Variants in BRAT1 observed in about 807,000 individuals in gnomAD.
The protein encoded by BRAT1 is integrator complex assembly factor BRAT1.
In BRAT1, 74 loss-of-function variants were observed where a neutral mutation model predicts 70.6. That is an observed-to-expected ratio of 1.05 (90% CI 0.87 to 1.27). BRAT1 has a LOEUF of 1.27. Ranked by LOEUF, BRAT1 falls within the 50% of genes most tolerant of loss-of-function variation. The pLI is 0.00. For synonymous variants in BRAT1, 615 were observed against 517.1 expected, an observed-to-expected ratio of 1.19 and a Z score of -2.57; for missense variants, 1,203 against 1,098.2, an observed-to-expected ratio of 1.10 and a Z score of -1.35.
At chr7:2,544,876 A>G in intron 4 of BRAT1, 33 bp downstream of exon 4, 1 of 1,546,174 alleles carries the variant, frequency 6.5e-7, no homozygotes, top group South Asian at 1.2e-5. Flanking sequence ...CACAGGCAGG[A>G]TGAGGAATGG....
chr7:2,551,570 C>G (rs985603786), intron 2 of BRAT1, among the ~76,000 whole-genome samples: 29 of 150,660 alleles, frequency 1.9e-4, no homozygotes, highest in Admixed American at 8.0e-4. Flanking sequence ...ACCTTGATCC[C>G]AGGAACTCAA....
At chr7:2,550,122 C>A (rs1190218103) in intron 2 of BRAT1, among the ~76,000 whole-genome samples, 12 of 150,886 alleles carry the variant, frequency 8.0e-5, no homozygotes, top group African/African-American at 2.9e-4. Flanking sequence ...GTGATCACAC[C>A]ACTGCACTCT....
chr7:2,545,487 T>TTTC (rs200027603), intron 3 of BRAT1, among the ~76,000 whole-genome samples: 30 of 121,260 alleles, frequency 2.5e-4, no homozygotes, highest in Middle Eastern at 4.2e-3. Flanking sequence ...TGGAGGACAC[T>TTTC]TTCTTCTTCT....
chr7:2,540,136 A>G (rs1779034781), intron 10 of BRAT1: 1 of 459,862 alleles, frequency 2.2e-6, no homozygotes. Flanking sequence ...CTCCTGCCTC[A>G]GCCTCATGAG....
intron 2 of BRAT1, among the ~76,000 whole-genome samples, chr7:2,551,893 A>C (rs1780030172): frequency 1.3e-5 from 2 of 150,526 alleles, no homozygotes. Flanking sequence ...ATTAAAAATC[A>C]ATAATAAAAA....
chr7:2,542,057 T>G, intron 7 of BRAT1, 63 bp downstream of exon 7: 1 of 1,408,212 alleles, frequency 7.1e-7, no homozygotes, highest in Non-Finnish European at 9.5e-7. Context: ...CTCTCATCCA[T>G]CTCCCTTCCC....
At position 2,543,201 on chromosome 7, in the gene BRAT1, T is replaced by A. The variant is rs750516424; in HGVS notation, c.923+3A>T. 6.2e-7 allele frequency: 1 copy of A among 1,601,910 alleles called. No homozygotes were observed. Among genetic ancestry groups the A allele is most frequent in the Non-Finnish European group, 8.5e-7 (1 of 1,174,498 alleles). ...TCGGAATGAAATGCACCCCAGACCA[T>A]ACCAGTGCTCGAGCTTCAGGATCCC... On this transcript the variant is annotated splice_donor_region_variant and intron_variant, in intron 6 of 13. Coordinates refer to ENST00000340611, the MANE Select transcript of BRAT1 (RefSeq NM_152743.4). This position sits in a 1 kb window ranked among gnomAD's most constrained non-coding sequence, Gnocchi z 5.5.
In BRAT1 at chr7:2,547,500, G is replaced by T. The variant is rs368279751; in HGVS notation, c.128-22C>A. ...GACTCTGTGGGGATGGCCCAGCCCAGGGGTCACCAGGGGTACGGCACCAGG... is the reference window on the plus strand; with the variant it reads ...GACTCTGTGGGGATGGCCCAGCCCATGGGTCACCAGGGGTACGGCACCAGG... On this transcript the variant is annotated intron_variant, in intron 2 of 13. Coordinates refer to ENST00000340611, the MANE Select transcript of BRAT1 (RefSeq NM_152743.4). 1.8e-5 allele frequency: 29 copies of T among 1,608,706 alleles called. No individual in the cohort carries two copies. In the African/African-American group the frequency reaches 3.7e-4, roughly 21 times the overall value.
chr7:2,550,112 G>A (rs969421863), intron 2 of BRAT1, among the ~76,000 whole-genome samples: 2 of 151,304 alleles, frequency 1.3e-5, no homozygotes, highest in Non-Finnish European at 2.9e-5. Context: ...ACAGTGAGCC[G>A]TGATCACACC....
Position 2,539,261 on chromosome 7 carries a change from G to C in BRAT1, c.1688C>G (p.Ala563Gly), listed in dbSNP as rs770727459. The C allele has an allele frequency of 1.9e-6, 3 of 1,611,780 alleles. No homozygotes were observed. In the South Asian group the frequency reaches 3.3e-5, roughly 18 times the overall value. Reference protein sequence around the residue: ...LLQDPESYVRASAVTAMGQLS... With the variant: ...LLQDPESYVRGSAVTAMGQLS... ...CTGCCCCATGGCGGTCACTGCACTC[G>C]CTCGGACATAACTCTCAGGGTCCTG... The change falls in exon 13 of 14, where the codon GCG becomes GGG. Residue 563 changes from alanine (A) to glycine (G), a missense_variant. By Grantham distance (60) the Ala-to-Gly change is moderately conservative (BLOSUM62 0). Transcript: ENST00000340611.
At chr7:2,541,165 G>A (rs1021529325) in intron 9 of BRAT1, 113 bp from the exon 10 acceptor site, 57 of 1,371,452 alleles carry the variant, frequency 4.2e-5, no homozygotes, top group Admixed American at 9.2e-5. Context: ...CCTCCTGCAC[G>A]GCCCCTGCAC....
intron 3 of BRAT1, 99 bp from the exon 4 acceptor site, chr7:2,545,155 G>C: frequency 1.5e-6 from 2 of 1,321,850 alleles, no homozygotes; most frequent in Admixed American, 6.4e-5. Flanking sequence ...CACGAGGTCA[G>C]GAGTTCGAGA....
At chr7:2,553,717 C>G (rs1259452319) in intron 2 of BRAT1, among the ~76,000 whole-genome samples, 1 of 151,714 alleles carries the variant, frequency 6.6e-6, no homozygotes. Flanking sequence ...AATCATAGCT[C>G]ACTGCAACCT....
Position 2,543,534 on chromosome 7 carries a change from A to T in BRAT1, c.803+56T>A. On this transcript the variant is annotated intron_variant, in intron 5 of 13. Coordinates refer to ENST00000340611, the MANE Select transcript of BRAT1 (RefSeq NM_152743.4). The surrounding 1 kb of genome is among the most constrained non-coding windows in gnomAD (Gnocchi z 5.5). Reference sequence around the variant, plus strand: ...TGCCAGTGGGACATCCCTGGGCGTTATCCGAGGAAAACAGTTGCCCACCCA... The same window carrying T: ...TGCCAGTGGGACATCCCTGGGCGTTTTCCGAGGAAAACAGTTGCCCACCCA... The T allele has an allele frequency of 6.7e-7, 1 of 1,494,864 alleles. No individual in the cohort carries two copies. Among genetic ancestry groups the T allele is most frequent in the Non-Finnish European group, 8.9e-7 (1 of 1,123,414 alleles). 92.6% of individuals were successfully genotyped at this position (1,494,864 alleles called of 1,614,324 possible). A position where few individuals can be genotyped will look rare whatever the true frequency, so the allele number is the denominator to read the frequency against.
Position 2,543,101 on chromosome 7 carries a change from C to G in BRAT1, c.923+103G>C. 7.1e-7 allele frequency: 1 copy of G among 1,416,668 alleles called. No homozygotes were observed. Among genetic ancestry groups the G allele is most frequent in the Non-Finnish European group, 9.4e-7 (1 of 1,067,642 alleles). 87.8% of individuals were successfully genotyped at this position (1,416,668 alleles called of 1,614,324 possible). On this transcript the variant is annotated intron_variant, in intron 6 of 13. Coordinates refer to ENST00000340611, the MANE Select transcript of BRAT1 (RefSeq NM_152743.4). The surrounding 1 kb of genome is among the most constrained non-coding windows in gnomAD (Gnocchi z 5.5). Reference sequence around the variant, plus strand: ...ACCCCGCACGGCCGCCTGACTGTCCCTGGTGTCCGGAACTCCCCTGCCATG... The same window carrying G: ...ACCCCGCACGGCCGCCTGACTGTCCGTGGTGTCCGGAACTCCCCTGCCATG...
rs1562586468 is a variant in BRAT1 at position 2,547,320 on chromosome 7, T to A, written c.282+4A>T. 1.2e-6 allele frequency: 2 copies of A among 1,613,878 alleles called. No individual in the cohort carries two copies. The highest frequency in any genetic ancestry group is 1.7e-6 in the Non-Finnish European group (2 of 1,179,890). ...GACACTCAGGTGGGAGGCCCCAGGCTCACCTGAAGATACTGGAAGCAGTTT... is the reference window on the plus strand; with the variant it reads ...GACACTCAGGTGGGAGGCCCCAGGCACACCTGAAGATACTGGAAGCAGTTT... On this transcript the variant is annotated splice_donor_region_variant and intron_variant, in intron 3 of 13. Transcript: ENST00000340611.
intron 4 of BRAT1, chr7:2,544,200 G>GTTGTTTTTT (rs1430991888): frequency 7.4e-5 from 8 of 108,672 alleles, no homozygotes; most frequent in African/African-American, 3.1e-4. Context: ...CCTTCTTGTT[G>GTTGTTTTTT]TTTTTTTTTT....
chr7:2,542,324 C>T, intron 6 of BRAT1, 113 bp from the exon 7 acceptor site: 1 of 867,948 alleles, frequency 1.2e-6, no homozygotes, highest in East Asian at 2.6e-5. Context: ...GGGACACCCC[C>T]CGAGAAACAT....
chr7:2,538,972 G>GTGGAGGGGTGC, intron 13 of BRAT1: 1 of 1,443,588 alleles, frequency 6.9e-7, no homozygotes. Flanking sequence ...CCATGTCTAA[G>GTGGAGGGGTGC]TGGAGGGGTG....
Sources: gnomAD v4.1 joint callset for allele counts (sites outside exome capture counted in the v4.1 genomes callset) on GRCh38, gnomAD v4.1.1 for gene constraint, Gnocchi (gnomAD v3.1) non-coding constraint, MANE v1.5 for transcripts, NCBI Gene and HGNC (gene_info 2026-07-23, HGNC 2026-07-21) for gene names.